PICK1: variants seen among roughly 807,000 people sequenced by gnomAD.
PICK1 encodes the protein protein interacting with PRKCA 1.
PICK1 carries 23 observed loss-of-function variants against 48.9 expected under a neutral mutation model. The observed-to-expected ratio is 0.47, with a 90% CI of 0.34 to 0.67. The LOEUF (loss-of-function observed/expected upper bound fraction) is 0.67. PICK1 is among the 30% of genes least tolerant of loss of function. The pLI, the probability that PICK1 is intolerant of heterozygous loss-of-function variation, is 0.01. For synonymous variants in PICK1, 217 were observed against 228.2 expected (o/e 0.95, Z 0.44); for missense variants, 423 against 557.1 (o/e 0.76, Z 2.42).
chr22:38,058,550 C>G, intron 2 of PICK1, among the ~76,000 whole-genome samples: 1 of 151,998 alleles, frequency 6.6e-6, no homozygotes, highest in Non-Finnish European at 1.5e-5. Flanking sequence ...TCTCAGAGAT[C>G]GAATAAATGA....
chr22:38,058,702 A>T (rs923777779), intron 2 of PICK1, among the ~76,000 whole-genome samples: 3 of 152,148 alleles, frequency 2.0e-5, no homozygotes, highest in Non-Finnish European at 4.4e-5. Flanking sequence ...ACAGAGGCTG[A>T]CTTACCCAAG....
intron 9 of PICK1, 125 bp downstream of exon 9, chr22:38,072,735 C>G (rs1417663276): frequency 5.1e-6 from 7 of 1,366,846 alleles, no homozygotes; most frequent in Non-Finnish European, 7.2e-6. Flanking sequence ...GTCACCCACA[C>G]AGTGGACTGT....
chr22:38,067,872 A>G (rs2085570000), intron 5 of PICK1, 102 bp downstream of exon 5: 2 of 947,098 alleles, frequency 2.1e-6, no homozygotes, highest in Admixed American at 3.8e-5. Flanking sequence ...CCTTTATGAC[A>G]GGAGAATCCA....
chr22:38,072,385 C>T (rs965368974), intron 8 of PICK1, 92 bp from the exon 9 acceptor site: 53 of 1,492,476 alleles, frequency 3.6e-5, no homozygotes, highest in Non-Finnish European at 4.8e-5. Context: ...TTCCAGCCTG[C>T]CAGGCCCCCT....
intron 3 of PICK1, among the ~76,000 whole-genome samples, chr22:38,063,548 A>T (rs1253616001): frequency 6.6e-6 from 1 of 152,136 alleles, no homozygotes; most frequent in African/African-American, 2.4e-5. Context: ...GGAATTCTGC[A>T]TATATTCTGG....
chr22:38,070,922 A>G (rs763510083), intron 7 of PICK1, 31 bp downstream of exon 7: 1 of 1,589,256 alleles, frequency 6.3e-7, no homozygotes, highest in South Asian at 1.1e-5. Context: ...TCCTGGCACT[A>G]GCTCTACCCC....
In PICK1 at chr22:38,075,165, G is replaced by A. The variant is rs754198792; in HGVS notation, c.*33G>A. ...GCGGCTGTGGTGCCGGGGGCAGGGTGCGTGGGAGGACGGAGCCTGGGAGCG... is the reference window on the plus strand; with the variant it reads ...GCGGCTGTGGTGCCGGGGGCAGGGTACGTGGGAGGACGGAGCCTGGGAGCG... On this transcript the variant is annotated 3_prime_UTR_variant, in exon 13 of 13. Coordinates refer to ENST00000356976, the MANE Select transcript of PICK1 (RefSeq NM_012407.4). 2.5e-6 allele frequency: 4 copies of A among 1,592,202 alleles called. No individual in the cohort carries two copies. The highest frequency in any genetic ancestry group is 3.4e-6 in the Non-Finnish European group (4 of 1,168,588).
chr22:38,067,307 CT>C (rs33993578), intron 4 of PICK1, among the ~76,000 whole-genome samples: 2,199 of 110,602 alleles, frequency 0.02, 22 homozygotes, highest in African/African-American at 0.029. Flanking sequence ...GCTTAGGATT[CT>C]TTTTTTTTTT....
intron 8 of PICK1, 96 bp from the exon 9 acceptor site, chr22:38,072,381 C>T: frequency 6.8e-7 from 1 of 1,464,924 alleles, no homozygotes; most frequent in Non-Finnish European, 9.3e-7. Context: ...TGGCTTCCAG[C>T]CTGCCAGGCC....
At chr22:38,067,646 G>T in intron 4 of PICK1, 58 bp from the exon 5 acceptor site, 1 of 1,490,962 alleles carries the variant, frequency 6.7e-7, no homozygotes, top group Non-Finnish European at 9.4e-7. Flanking sequence ...AGTCTTGGCT[G>T]GGAAGGGGCT....
At chr22:38,070,636 G>A (rs1314771456) in intron 6 of PICK1, among the ~76,000 whole-genome samples, 4 of 152,086 alleles carry the variant, frequency 2.6e-5, no homozygotes, top group East Asian at 3.9e-4. Flanking sequence ...CGGACCCTCC[G>A]CTGGCCATGA....
chr22:38,075,046 G>A lies in PICK1; in HGVS notation c.1162G>A (p.Glu388Lys), dbSNP rs2145887702. Residue 388 changes from glutamate to lysine, a missense_variant, in exon 13 of 13, where the codon GAA becomes AAA. Physicochemically the swap from Glu to Lys is moderately conservative, Grantham distance 56. Around this residue, in one of 2 missense-constraint regions of PICK1, gnomAD observed 144 missense variants for 139.3 expected, o/e 1.03. Transcript: ENST00000356976. ...FTDGEEEEEE[E>K]DTAAGEPSRD... The stretch of plus-strand genomic sequence containing the variant: ...AGATGGGGAGGAGGAGGAGGAGGAG[G>A]AAGACACGGCAGCTGGGGAGCCGTC... The A allele has an allele frequency of 6.2e-7, 1 of 1,613,278 alleles. No individual in the cohort carries two copies. Among genetic ancestry groups the A allele is most frequent in the Non-Finnish European group, 8.5e-7 (1 of 1,179,998 alleles).
At chr22:38,059,367 G>T in intron 3 of PICK1, 22 bp downstream of exon 3, 1 of 1,447,162 alleles carries the variant, frequency 6.9e-7, no homozygotes, top group South Asian at 1.2e-5. Context: ...TTTGGAGGGG[G>T]GCACAAGGTA....
At chr22:38,063,161 C>CTT (rs774428983) in intron 3 of PICK1, among the ~76,000 whole-genome samples, 1 of 145,870 alleles carries the variant, frequency 6.9e-6, no homozygotes, top group Non-Finnish European at 1.5e-5. Context: ...ACCATCTTAA[C>CTT]TTTTTTTTTT....
In PICK1 at chr22:38,074,829, C is replaced by A; in HGVS notation, c.980-35C>A. On this transcript the variant is annotated intron_variant, in intron 12 of 12. Coordinates refer to ENST00000356976, the MANE Select transcript of PICK1 (RefSeq NM_012407.4). This position sits in a 1 kb window ranked among gnomAD's most constrained non-coding sequence, Gnocchi z 4.5. ...TCCTCCCTGAGGCAGGCAGCCAGAGCCCACTGCAGCCTGTCCCCCGACCTC... is the reference window on the plus strand; with the variant it reads ...TCCTCCCTGAGGCAGGCAGCCAGAGACCACTGCAGCCTGTCCCCCGACCTC... 6.2e-7 allele frequency: 1 copy of A among 1,604,118 alleles called. No homozygotes were observed.
At position 38,075,190 on chromosome 22, in the gene PICK1, G is replaced by C. The variant is rs1320923739; in HGVS notation, c.*58G>C. On this transcript the variant is annotated 3_prime_UTR_variant, in exon 13 of 13. Transcript: ENST00000356976. Reference sequence around the variant, plus strand: ...GCGTGGGAGGACGGAGCCTGGGAGCGGGGCGGGGCCGCCGCGCAAGGGGGC... The same window carrying C: ...GCGTGGGAGGACGGAGCCTGGGAGCCGGGCGGGGCCGCCGCGCAAGGGGGC... 4 of 1,541,572 alleles carry C rather than the reference G, an allele frequency of 2.6e-6. No homozygotes were observed. Among genetic ancestry groups the C allele is most frequent in the Non-Finnish European group, 3.5e-6 (4 of 1,142,172 alleles).
intron 3 of PICK1, among the ~76,000 whole-genome samples, chr22:38,060,371 G>A (rs2085370271): frequency 2.0e-5 from 3 of 152,228 alleles, no homozygotes; most frequent in Admixed American, 2.0e-4. Context: ...CTGTAACTCA[G>A]GAGTGGTGAC....
intron 4 of PICK1, among the ~76,000 whole-genome samples, chr22:38,067,104 G>T (rs965171871): frequency 6.6e-6 from 1 of 152,020 alleles, no homozygotes; most frequent in African/African-American, 2.4e-5. Context: ...TGGTTTGCGT[G>T]GGGAGGGAAG....
intron 6 of PICK1, among the ~76,000 whole-genome samples, chr22:38,070,276 A>G (rs2145876894): frequency 6.6e-6 from 1 of 152,328 alleles, no homozygotes; most frequent in South Asian, 2.1e-4. Context: ...TCGCCCGGCC[A>G]CTGGGCTGGC....
Sources: allele counts gnomAD v4.1 joint callset (sites outside exome capture counted in the v4.1 genomes callset), GRCh38; gene constraint gnomAD v4.1.1; regional missense constraint gnomAD v4.1.1; non-coding constraint Gnocchi (gnomAD v3.1); transcripts MANE v1.5; gene names NCBI Gene and HGNC (gene_info 2026-07-23, HGNC 2026-07-21).